PIP5K1B: variants seen among roughly 807,000 people sequenced by gnomAD.
PIP5K1B encodes the protein phosphatidylinositol 4-phosphate 5-kinase type-1 beta.
PIP5K1B carries 42 observed loss-of-function variants against 67.0 expected under a neutral mutation model. The observed-to-expected ratio is 0.63, with a 90% confidence interval of 0.49 to 0.81. The LOEUF (loss-of-function observed/expected upper bound fraction) is 0.81, where lower values mean the gene tolerates loss of function less well. Ranked by LOEUF, PIP5K1B falls within the 30% of genes least tolerant of loss-of-function variation. The pLI is 0.00. For missense variants in PIP5K1B, 459 were observed against 646.3 expected (o/e 0.71, Z 3.14); for synonymous variants, 214 against 231.4 (o/e 0.92, Z 0.68).
chr9:68,901,236 C>T (rs554015695), intron 8 of PIP5K1B, among the ~76,000 whole-genome samples: 8 of 152,162 alleles, frequency 5.3e-5, no homozygotes, highest in Admixed American at 5.2e-4. Flanking sequence ...TCATTGACTC[C>T]ACACTCCTAA....
At chr9:68,789,444 G>T in intron 2 of PIP5K1B, 2 of 492,236 alleles carry the variant, frequency 4.1e-6, no homozygotes, top group South Asian at 3.1e-5. Flanking sequence ...ACAAATAGAG[G>T]GGAGACCTCC....
chr9:68,802,825 G>A lies in PIP5K1B; in HGVS notation c.-85-15636G>A, dbSNP rs376229419. On this transcript the variant is annotated intron_variant, in intron 2 of 15. Coordinates refer to ENST00000265382, the MANE Select transcript of PIP5K1B (RefSeq NM_003558.4). ...CTGGGAGGAGATATGAGAGTCGTGA[G>A]AGGTCATACGCTGTGCCAAAACCTC... is the stretch of plus-strand genomic sequence containing the variant. 7.9e-5 allele frequency among the ~76,000 whole-genome samples: 12 copies of A among 152,332 alleles called. No homozygotes were observed. The South Asian group carries it at 2.5e-3, about 32-fold the overall frequency.
chr9:68,984,880 A>C (rs1830032985), intron 14 of PIP5K1B, among the ~76,000 whole-genome samples: 1 of 152,242 alleles, frequency 6.6e-6, no homozygotes, highest in Non-Finnish European at 1.5e-5. Flanking sequence ...CTAAAATGTT[A>C]GCAGCAATGA....
At chr9:68,768,135 T>C (rs191525350) in intron 2 of PIP5K1B, among the ~76,000 whole-genome samples, 3 of 152,282 alleles carry the variant, frequency 2.0e-5, no homozygotes, top group East Asian at 3.9e-4. Flanking sequence ...GTTGCAAAGT[T>C]AACATTATTT....
chr9:68,741,959 TGAGTTTCAGAA>T (rs1393594852), intron 1 of PIP5K1B, among the ~76,000 whole-genome samples: 1 of 152,242 alleles, frequency 6.6e-6, no homozygotes, highest in Non-Finnish European at 1.5e-5. Flanking sequence ...CACTTCTATA[TGAGTTTCAGAA>T]CTGGAAGATA....
chr9:68,911,456 C>T (rs1022995970), intron 8 of PIP5K1B, among the ~76,000 whole-genome samples: 2 of 151,352 alleles, frequency 1.3e-5, no homozygotes, highest in African/African-American at 4.9e-5. Flanking sequence ...ATAATAGAAG[C>T]TGCAGGATTG....
In PIP5K1B at chr9:68,893,426, C is replaced by T. The variant is rs545333670; in HGVS notation, c.472-913C>T. The stretch of plus-strand genomic sequence containing the variant: ...TCGGCTTAGTGCAACCTCTGCCTGC[C>T]GGGTTAAAGCAATTCTCCTGCCTCA... On this transcript the variant is annotated intron_variant, in intron 7 of 15. Coordinates refer to ENST00000265382, the MANE Select transcript of PIP5K1B (RefSeq NM_003558.4). 7.5e-5 allele frequency among the ~76,000 whole-genome samples: 11 copies of T among 147,256 alleles called. No homozygotes were observed. The South Asian group carries it at 1.3e-3, about 17-fold the overall frequency.
intron 8 of PIP5K1B, among the ~76,000 whole-genome samples, chr9:68,899,540 C>T (rs1294499876): frequency 3.9e-5 from 6 of 152,160 alleles, no homozygotes; most frequent in Non-Finnish European, 5.9e-5. Flanking sequence ...TTTTTAAGTT[C>T]TGCCTATTTT....
intron 2 of PIP5K1B, among the ~76,000 whole-genome samples, chr9:68,817,026 G>T (rs944714335): frequency 3.9e-5 from 6 of 152,202 alleles, no homozygotes; most frequent in African/African-American, 1.4e-4. Context: ...CAGAGCTAAT[G>T]TTTAAAATAC....
intron 4 of PIP5K1B, among the ~76,000 whole-genome samples, chr9:68,846,005 T>C (rs1183319042): frequency 6.6e-6 from 1 of 152,208 alleles, no homozygotes; most frequent in African/African-American, 2.4e-5. Context: ...TCCATCTGAA[T>C]TTAAGTTTCC....
At chr9:68,740,578 C>T (rs1341301236) in intron 1 of PIP5K1B, among the ~76,000 whole-genome samples, 3 of 152,164 alleles carry the variant, frequency 2.0e-5, no homozygotes, top group East Asian at 1.9e-4. Flanking sequence ...CTATGCAATG[C>T]GGGAGTTCAA....
At chr9:68,848,048 C>T (rs1415871729) in intron 4 of PIP5K1B, among the ~76,000 whole-genome samples, 1 of 151,944 alleles carries the variant, frequency 6.6e-6, no homozygotes, top group Non-Finnish European at 1.5e-5. Flanking sequence ...TTTGCCACCT[C>T]CTCACTGTGT....
At chr9:68,958,314 G>A (rs1398023531) in intron 14 of PIP5K1B, among the ~76,000 whole-genome samples, 1 of 152,164 alleles carries the variant, frequency 6.6e-6, no homozygotes, top group Non-Finnish European at 1.5e-5. Context: ...CTTTTGTACA[G>A]GCACCAGTGA....
intron 5 of PIP5K1B, among the ~76,000 whole-genome samples, chr9:68,864,284 C>T (rs138555402): frequency 1.3e-3 from 191 of 151,580 alleles, no homozygotes; most frequent in Non-Finnish European, 2.5e-3. Context: ...GAGTAATGTC[C>T]GCCAAGGGTT....
chr9:68,794,058 C>T (rs1289704511), intron 2 of PIP5K1B, among the ~76,000 whole-genome samples: 1 of 152,186 alleles, frequency 6.6e-6, no homozygotes, highest in Non-Finnish European at 1.5e-5. Flanking sequence ...GCTGATCTGA[C>T]AAGTGAGATG....
Position 68,913,695 on chromosome 9 carries a change from A to G in PIP5K1B, c.772-3853A>G, listed in dbSNP as rs1825957602. 3.3e-5 allele frequency among the ~76,000 whole-genome samples: 5 copies of G among 152,214 alleles called. No individual in the cohort carries two copies. In the South Asian group the frequency reaches 1.0e-3, roughly 31 times the overall value. ...TGGCCAGCTTTCCACATATGGGGATAGAATTTCTTTTTTTAAGCCTTCCAC... is the reference window on the plus strand; with the variant it reads ...TGGCCAGCTTTCCACATATGGGGATGGAATTTCTTTTTTTAAGCCTTCCAC... On this transcript the variant is annotated intron_variant, in intron 8 of 15. Transcript: ENST00000265382.
At chr9:68,905,262 G>A (rs2132458148) in intron 8 of PIP5K1B, among the ~76,000 whole-genome samples, 1 of 152,256 alleles carries the variant, frequency 6.6e-6, no homozygotes, top group Admixed American at 6.5e-5. Flanking sequence ...GGAAAGCTAT[G>A]GCAGGAAGGG....
chr9:68,844,891 A>G (rs1370346601), intron 4 of PIP5K1B, among the ~76,000 whole-genome samples: 2 of 152,192 alleles, frequency 1.3e-5, no homozygotes, highest in South Asian at 4.1e-4. Flanking sequence ...AATCCAAAGA[A>G]GGCAAAATAC....
chr9:68,806,385 C>G (rs897648632), intron 2 of PIP5K1B, among the ~76,000 whole-genome samples: 3 of 152,186 alleles, frequency 2.0e-5, no homozygotes, highest in African/African-American at 7.2e-5. Context: ...GCAGCTCTGC[C>G]CTGGTCTTTC....
Sources: gnomAD v4.1 joint callset for allele counts (sites outside exome capture counted in the v4.1 genomes callset) on GRCh38, gnomAD v4.1.1 for gene constraint, MANE v1.5 for transcripts, NCBI Gene and HGNC (gene_info 2026-07-23, HGNC 2026-07-21) for gene names.